Variants in POT1 observed in about 807,000 individuals in gnomAD.
POT1 encodes protection of telomeres 1, also known as protection of telomeres protein 1.
A neutral mutation model predicts 78.5 loss-of-function variants in POT1; 47 were observed. The observed-to-expected ratio is 0.60, with a 90% CI of 0.47 to 0.76. The LOEUF (loss-of-function observed/expected upper bound fraction) is 0.76, where lower values mean the gene tolerates loss of function less well. Ranked by LOEUF, POT1 falls within the 30% of genes least tolerant of loss-of-function variation. The probability of loss-of-function intolerance (pLI) is 0.00; values close to 1 mark genes in which losing one functional copy is unlikely to be tolerated. For synonymous variants in POT1, 259 were observed against 260.7 expected (o/e 0.99, Z 0.06); for missense variants, 646 against 749.9 (o/e 0.86, Z 1.62).
intron 3 of POT1, among the ~76,000 whole-genome samples, chr7:124,907,475 C>T (rs1796793091): frequency 6.9e-6 from 1 of 145,582 alleles, no homozygotes; most frequent in African/African-American, 2.4e-5. Flanking sequence ...TATGATTCTA[C>T]CTAAAAGACT....
chr7:124,924,575 A>T (rs954785547), intron 2 of POT1, among the ~76,000 whole-genome samples: 24 of 152,144 alleles, frequency 1.6e-4, no homozygotes, highest in African/African-American at 5.3e-4. Context: ...TCCACCTGAA[A>T]CTATTCCAAA....
chr7:124,861,803 C>T (rs1331601574), intron 8 of POT1, among the ~76,000 whole-genome samples: 2 of 152,056 alleles, frequency 1.3e-5, no homozygotes, highest in Non-Finnish European at 2.9e-5. Context: ...AAGGGGTCTA[C>T]TTTCAGTTTA....
intron 6 of POT1, among the ~76,000 whole-genome samples, chr7:124,885,021 C>A (rs1392753150): frequency 6.6e-6 from 1 of 152,128 alleles, no homozygotes; most frequent in Non-Finnish European, 1.5e-5. Flanking sequence ...CTAATACTAT[C>A]TAGCCAGCTC....
intron 6 of POT1, among the ~76,000 whole-genome samples, chr7:124,890,069 T>C (rs1796333585): frequency 6.6e-6 from 1 of 151,962 alleles, no homozygotes; most frequent in African/African-American, 2.4e-5. Flanking sequence ...ACCTAGAAAG[T>C]ATTTATTCTA....
chr7:124,829,618 T>A (rs1226431070), intron 15 of POT1, among the ~76,000 whole-genome samples: 1 of 152,096 alleles, frequency 6.6e-6, no homozygotes, highest in Non-Finnish European at 1.5e-5. Context: ...AAATCATTAA[T>A]TAATTTTGCT....
intron 12 of POT1, among the ~76,000 whole-genome samples, chr7:124,845,686 A>G (rs201200120): frequency 1.3e-5 from 2 of 152,202 alleles, no homozygotes; most frequent in African/African-American, 4.8e-5. Flanking sequence ...AACTAACTCA[A>G]CAATGACTAT....
chr7:124,835,287 A>C lies in POT1; in HGVS notation c.1497T>G (p.His499Gln). ...SAPFLIQGTI[H>Q]HYGCKQCSSL... ...AAAACAAAACAAAATACCCATAGTG[A>C]TGTATTGTTCCTTGTATAAGAAATG... is the stretch of plus-strand genomic sequence containing the variant. Residue 499 changes from histidine to glutamine, a missense_variant, in exon 15 of 19, where the codon CAT becomes CAG. Around this residue, in one of 2 missense-constraint regions of POT1, gnomAD observed 394 missense variants for 408.4 expected, o/e 0.96. Transcript: ENST00000357628. The C allele has an allele frequency of 6.2e-7, 1 of 1,613,848 alleles. No individual in the cohort carries two copies. The highest frequency in any genetic ancestry group is 8.5e-7 in the Non-Finnish European group (1 of 1,179,832).
At chr7:124,924,085 C>T (rs1797215473) in intron 2 of POT1, among the ~76,000 whole-genome samples, 2 of 141,486 alleles carry the variant, frequency 1.4e-5, no homozygotes, top group Admixed American at 1.4e-4. Flanking sequence ...AAAACAAGAA[C>T]AAACGAAAGT....
In POT1 at chr7:124,869,979, A is replaced by C. The variant is rs547989328; in HGVS notation, c.255+932T>G. Among the ~76,000 whole-genome samples the C allele has an allele frequency of 4.8e-4, 73 of 152,318 alleles. No homozygotes were observed. The South Asian group carries it at 0.014, about 30-fold the overall frequency. ...ATTAATAGGTCATAAAAAGTGCCTA[A>C]GAGTAGAACACAGCTGAACACTGTC... On this transcript the variant is annotated intron_variant, in intron 7 of 18. Transcript: ENST00000357628.
intron 7 of POT1, among the ~76,000 whole-genome samples, chr7:124,865,929 T>C (rs1227125304): frequency 1.3e-5 from 2 of 152,286 alleles, no homozygotes; most frequent in East Asian, 3.9e-4. Flanking sequence ...TATGATTTTT[T>C]CTTTTTTCTT....
At chr7:124,831,695 C>T (rs1208846469) in intron 15 of POT1, among the ~76,000 whole-genome samples, 3 of 152,002 alleles carry the variant, frequency 2.0e-5, no homozygotes, top group Non-Finnish European at 2.9e-5. Context: ...TCATAACATA[C>T]TCCAAAGATG....
At chr7:124,928,115 GTTA>G (rs1488617877) in intron 2 of POT1, among the ~76,000 whole-genome samples, 3 of 152,148 alleles carry the variant, frequency 2.0e-5, no homozygotes, top group Non-Finnish European at 2.9e-5. Flanking sequence ...GTTAACTTTA[GTTA>G]TTATTATTAC....
chr7:124,828,809 T>A (rs1483998196), intron 16 of POT1: 1 of 461,544 alleles, frequency 2.2e-6, no homozygotes, highest in African/African-American at 2.0e-5. Context: ...GATGGCTGTA[T>A]CAAAAAGGAA....
Position 124,871,034 on chromosome 7 carries a change from G to C in POT1, c.132C>G (p.Cys44Trp). 1 of 1,580,506 alleles carries C rather than the reference G, an allele frequency of 6.3e-7. No individual in the cohort carries two copies. Among genetic ancestry groups the C allele is most frequent in the Non-Finnish European group, 8.6e-7 (1 of 1,164,188 alleles). ...TCTGGTCCACAATAGTTACAACTGA[G>C]CAATAATCTGGAAAACACAAAAATA... ...PPYLSKGTDY[C>W]SVVTIVDQTN... The change falls in exon 7 of 19, where the codon TGC (cysteine) becomes TGG (tryptophan). Residue 44 changes from cysteine (C) to tryptophan (W), a missense_variant. This residue lies in a region of POT1 where 252 missense variants were observed against 341.4 expected (regional missense o/e 0.74). Coordinates refer to ENST00000357628, the MANE Select transcript of POT1 (RefSeq NM_015450.3).
rs764369599 is a variant in POT1, at chr7:124,846,987, C to T, written c.961G>A (p.Val321Ile). 3 of 1,604,560 alleles carry T rather than the reference C, an allele frequency of 1.9e-6. No individual in the cohort carries two copies. The East Asian group carries it at 6.7e-5, about 36-fold the overall frequency. Reference sequence around the variant, plus strand: ...CATCTTTCTACCTCGTATAATGATACTGATCCAGAGCCTATAAAAAGGAAA... The same window carrying T: ...CATCTTTCTACCTCGTATAATGATATTGATCCAGAGCCTATAAAAAGGAAA... Reference protein sequence around the residue: ...PDDSFPSSGSVSLYEVERCQQ... With the variant: ...PDDSFPSSGSISLYEVERCQQ... The change falls in exon 12 of 19, where the codon GTA becomes ATA. Residue 321 changes from valine to isoleucine, a missense_variant. Physicochemically the swap from Val to Ile is conservative, Grantham distance 29. Transcript: ENST00000357628.
At position 124,859,029 on chromosome 7, in the gene POT1, G is replaced by A. The variant is rs1188736928; in HGVS notation, c.630C>T (p.Ile210=). Residue 210 remains isoleucine, a synonymous_variant, in exon 9 of 19, where the codon ATC becomes ATT. Transcript: ENST00000357628. ...DLVLEGDLSH[I]HRLQNLTIDI... The stretch of plus-strand genomic sequence containing the variant: ...CTATTGTCAGATTTTGTAGCCGATG[G>A]ATGTGACTTAAATCACCTTCAAGAA... 3 of 1,610,214 alleles carry A rather than the reference G, an allele frequency of 1.9e-6. No individual in the cohort carries two copies. The African/African-American group carries it at 4.0e-5, about 22-fold the overall frequency.
At chr7:124,899,128 G>A (rs1796560453) in intron 3 of POT1, among the ~76,000 whole-genome samples, 1 of 152,090 alleles carries the variant, frequency 6.6e-6, no homozygotes, top group South Asian at 2.1e-4. Context: ...ACCACAGTGT[G>A]CTCTGCACAT....
intron 2 of POT1, among the ~76,000 whole-genome samples, chr7:124,926,387 A>G (rs1304549630): frequency 1.3e-5 from 2 of 152,188 alleles, no homozygotes; most frequent in Non-Finnish European, 2.9e-5. Flanking sequence ...CCACAATGAA[A>G]TATCACCTTA....
At chr7:124,824,137 AG>A (rs1215085747) in intron 18 of POT1, 63 bp from the exon 19 acceptor site, 6 of 1,004,614 alleles carry the variant, frequency 6.0e-6, no homozygotes, top group Non-Finnish European at 8.9e-6. Flanking sequence ...ACTCTGAAAT[AG>A]GTACCTAAGC....
Sources: gnomAD v4.1 joint callset for allele counts (sites outside exome capture counted in the v4.1 genomes callset) on GRCh38, gnomAD v4.1.1 for gene constraint, gnomAD v4.1.1 regional missense constraint, MANE v1.5 for transcripts, NCBI Gene and HGNC (gene_info 2026-07-23, HGNC 2026-07-21) for gene names.